Variants in ACOXL observed in about 807,000 individuals in gnomAD.
ACOXL encodes acyl-coenzyme A oxidase-like protein.
In ACOXL, 70 loss-of-function variants were observed where a neutral mutation model predicts 71.9. That is an observed-to-expected ratio of 0.97 (90% CI 0.80 to 1.19). The LOEUF (loss-of-function observed/expected upper bound fraction) is 1.19. ACOXL is among the 50% of genes most tolerant of loss of function. The probability of loss-of-function intolerance (pLI) is 0.00; values close to 1 mark genes in which losing one functional copy is unlikely to be tolerated. For synonymous variants in ACOXL, 253 were observed against 281.6 expected (o/e 0.90, Z 1.02); for missense variants, 703 against 736.3 (o/e 0.95, Z 0.52).
intron 14 of ACOXL, among the ~76,000 whole-genome samples, chr2:111,004,035 C>A (rs1048598911): frequency 2.6e-5 from 4 of 152,162 alleles, no homozygotes; most frequent in Non-Finnish European, 5.9e-5. Flanking sequence ...TGTCTACCTG[C>A]ATTAGTTTGG....
chr2:111,108,723 AG>A (rs1342523603), intron 17 of ACOXL, among the ~76,000 whole-genome samples: 1 of 152,218 alleles, frequency 6.6e-6, no homozygotes, highest in Non-Finnish European at 1.5e-5. Context: ...TTTGACAAAT[AG>A]CAGACTGTAT....
chr2:110,770,922 C>T (rs1255302786), intron 2 of ACOXL, among the ~76,000 whole-genome samples: 1 of 152,214 alleles, frequency 6.6e-6, no homozygotes, highest in Non-Finnish European at 1.5e-5. Context: ...GAAGGATTAG[C>T]CTCTGTAATC....
At chr2:110,964,519 G>C (rs569723827) in intron 12 of ACOXL, among the ~76,000 whole-genome samples, 1 of 152,288 alleles carries the variant, frequency 6.6e-6, no homozygotes, top group African/African-American at 2.4e-5. Flanking sequence ...TCATTAGGCT[G>C]TTTCATCGTT....
rs147121823 is a variant in ACOXL, at chr2:110,907,377, C to T, written c.789-1412C>T. ...GGGCTTCAATATGTGAATTCTGGGG[C>T]GACACAGTTCAGTCCTTAGCAGTGA... On this transcript the variant is annotated intron_variant, in intron 10 of 17. Coordinates refer to ENST00000439055, the MANE Select transcript of ACOXL (RefSeq NM_001142807.4). Among the ~76,000 whole-genome samples the T allele has an allele frequency of 1.1e-4, 16 of 152,290 alleles. No homozygotes were observed. In the East Asian group the frequency reaches 1.2e-3, roughly 11 times the overall value.
chr2:110,764,253 A>G (rs1394344544), intron 1 of ACOXL, among the ~76,000 whole-genome samples: 2 of 152,162 alleles, frequency 1.3e-5, no homozygotes, highest in Non-Finnish European at 2.9e-5. Flanking sequence ...AAAACTTAGG[A>G]GTAACCAAGA....
At chr2:110,919,762 C>T (rs2059999646) in intron 11 of ACOXL, among the ~76,000 whole-genome samples, 2 of 152,114 alleles carry the variant, frequency 1.3e-5, no homozygotes, top group African/African-American at 2.4e-5. Flanking sequence ...GTATTTTACA[C>T]CTATAGTTTT....
intron 13 of ACOXL, among the ~76,000 whole-genome samples, chr2:110,991,858 A>T (rs956183637): frequency 6.6e-6 from 1 of 152,128 alleles, no homozygotes; most frequent in East Asian, 1.9e-4. Flanking sequence ...TAATATTTCT[A>T]GCTGTTGAGT....
At chr2:110,877,223 G>A (rs1558659845) in intron 10 of ACOXL, among the ~76,000 whole-genome samples, 1 of 152,240 alleles carries the variant, frequency 6.6e-6, no homozygotes, top group Non-Finnish European at 1.5e-5. Context: ...GGCACGCAGA[G>A]GGTCGTGCTG....
chr2:111,053,835 G>C (rs1430766279), intron 16 of ACOXL, among the ~76,000 whole-genome samples: 1 of 152,206 alleles, frequency 6.6e-6, no homozygotes, highest in Non-Finnish European at 1.5e-5. Context: ...CGCCTGCAGA[G>C]CCTCCCTGCC....
intron 10 of ACOXL, among the ~76,000 whole-genome samples, chr2:110,881,463 A>G (rs944439259): frequency 6.6e-6 from 1 of 152,110 alleles, no homozygotes; most frequent in Non-Finnish European, 1.5e-5. Context: ...ATATATATAT[A>G]TGCTTTATTA....
rs567451733 is a variant in ACOXL at position 111,104,861 on chromosome 2, G to C, written c.1542+11895G>C. Among the ~76,000 whole-genome samples the C allele has an allele frequency of 1.1e-4, 17 of 152,126 alleles. No individual in the cohort carries two copies. In the South Asian group the frequency reaches 3.5e-3, roughly 32 times the overall value. ...TTATCCATTTTTCCTTTTATGGACT[G>C]TAATGTACTTTTACTGTCAAGTCTA... On this transcript the variant is annotated intron_variant, in intron 17 of 17. Transcript: ENST00000439055.
intron 9 of ACOXL, among the ~76,000 whole-genome samples, chr2:110,806,256 G>A (rs1686626588): frequency 6.6e-6 from 1 of 152,244 alleles, no homozygotes; most frequent in Non-Finnish European, 1.5e-5. Flanking sequence ...CTGTGAGGGG[G>A]CACAGCTGTG....
rs993099934 is a variant in ACOXL, at chr2:110,763,133, G to A, written c.-22-5235G>A. Among the ~76,000 whole-genome samples the A allele has an allele frequency of 5.3e-5, 8 of 152,112 alleles. No homozygotes were observed. The South Asian group carries it at 6.2e-4, about 12-fold the overall frequency. On this transcript the variant is annotated intron_variant, in intron 1 of 17. Transcript: ENST00000439055. Reference sequence around the variant, plus strand: ...AAACTTAATGTTGTTAAGATTAAACGTCATCTCAATCAAAATCTTGGCAAG... The same window carrying A: ...AAACTTAATGTTGTTAAGATTAAACATCATCTCAATCAAAATCTTGGCAAG...
rs1328382905 is a variant in ACOXL at position 111,117,780 on chromosome 2, G to A, written c.1707G>A (p.Ala569=). 3 of 1,550,768 alleles carry A rather than the reference G, an allele frequency of 1.9e-6. No homozygotes were observed. The East Asian group carries it at 7.3e-5, about 38-fold the overall frequency. Residue 569 remains alanine, a synonymous_variant, in exon 18 of 18, where the codon GCG becomes GCA. Transcript: ENST00000439055. ...TGCAGCCGCGGCCACGGGAAGAGGC[G>A]CGCTCCCGGCGGCCCAAGCTGGGAG... ...APLQPRPREE[A]RSRRPKLGAK...
At chr2:110,813,963 G>A (rs541021856) in intron 9 of ACOXL, among the ~76,000 whole-genome samples, 23 of 152,270 alleles carry the variant, frequency 1.5e-4, no homozygotes, top group East Asian at 1.4e-3. Flanking sequence ...CTTACACTCT[G>A]GTATTCCAGC....
intron 1 of ACOXL, among the ~76,000 whole-genome samples, chr2:110,746,070 G>A (rs1262131283): frequency 6.6e-6 from 1 of 152,080 alleles, no homozygotes; most frequent in East Asian, 1.9e-4. Flanking sequence ...GTCAAGGCTG[G>A]CAAGATTTAT....
At chr2:110,784,699 G>A in intron 2 of ACOXL, 33 bp from the exon 3 acceptor site, 2 of 1,507,884 alleles carry the variant, frequency 1.3e-6, no homozygotes. Flanking sequence ...AAACCATAAG[G>A]AAACCTTGAT....
intron 16 of ACOXL, among the ~76,000 whole-genome samples, chr2:111,088,402 A>G (rs2068335065): frequency 6.6e-6 from 1 of 152,250 alleles, no homozygotes; most frequent in South Asian, 2.1e-4. Context: ...CTAAATGCCC[A>G]TTAATGGTAG....
At chr2:111,069,002 G>T (rs2067206617) in intron 16 of ACOXL, among the ~76,000 whole-genome samples, 1 of 152,114 alleles carries the variant, frequency 6.6e-6, no homozygotes, top group Non-Finnish European at 1.5e-5. Context: ...CGTGGTCATT[G>T]CTTCCTGAAT....
Sources: allele counts gnomAD v4.1 joint callset (sites outside exome capture counted in the v4.1 genomes callset), GRCh38; gene constraint gnomAD v4.1.1; transcripts MANE v1.5; gene names NCBI Gene and HGNC (gene_info 2026-07-23, HGNC 2026-07-21).